ADGRV1: variants seen among roughly 807,000 people sequenced by gnomAD.
ADGRV1 encodes adhesion G protein-coupled receptor V1.
A neutral mutation model predicts 596.2 loss-of-function variants in ADGRV1; 359 were observed. The observed-to-expected ratio is 0.60, with a 90% CI of 0.55 to 0.66. ADGRV1 has a LOEUF of 0.66. Among genes scored for constraint, ADGRV1 ranks in the 30% least tolerant of loss-of-function variants. The pLI, the probability that ADGRV1 is intolerant of heterozygous loss-of-function variation, is 0.00. For missense variants in ADGRV1, 7,274 were observed against 7,575.6 expected (o/e 0.96, Z 1.48); for synonymous variants, 2,681 against 2,679.2 (o/e 1.00, Z -0.02).
chr5:90,826,333 T>A (rs897496906), intron 76 of ADGRV1, among the ~76,000 whole-genome samples: 2 of 152,218 alleles, frequency 1.3e-5, no homozygotes, highest in African/African-American at 4.8e-5. Context: ...AAGCACCATC[T>A]TCTTCATTTT....
chr5:90,986,105 A>G (rs1007865854), intron 85 of ADGRV1, among the ~76,000 whole-genome samples: 12 of 126,988 alleles, frequency 9.4e-5, no homozygotes, highest in Non-Finnish European at 1.7e-4. Flanking sequence ...ATATATATAT[A>G]TTATGCATAT....
At chr5:90,914,834 A>G (rs1252732976) in intron 83 of ADGRV1, among the ~76,000 whole-genome samples, 1 of 152,166 alleles carries the variant, frequency 6.6e-6, no homozygotes, top group Non-Finnish European at 1.5e-5. Context: ...TTGTTATAGG[A>G]CCACAATGGA....
At chr5:90,607,986 C>T (rs111920636) in intron 1 of ADGRV1, among the ~76,000 whole-genome samples, 3,081 of 151,940 alleles carry the variant, frequency 0.02, 94 homozygotes, top group African/African-American at 0.063. Context: ...TTCTAAGATA[C>T]TTTACAAAAT....
intron 73 of ADGRV1, among the ~76,000 whole-genome samples, chr5:90,809,192 G>A (rs541172516): frequency 1.3e-5 from 2 of 151,380 alleles, no homozygotes; most frequent in South Asian, 2.1e-4. Context: ...TCCTGACCTC[G>A]TGATCCGCCC....
At chr5:90,890,896 A>G (rs1211191444) in intron 83 of ADGRV1, among the ~76,000 whole-genome samples, 1 of 152,054 alleles carries the variant, frequency 6.6e-6, no homozygotes, top group Non-Finnish European at 1.5e-5. Context: ...GCATTCCCTG[A>G]TAAAGAGTAA....
rs1043243111 is a variant in ADGRV1, at chr5:90,906,858, G to A, written c.17856+43001G>A. The stretch of plus-strand genomic sequence containing the variant: ...TTTTTTTGCTTTCCATTGTTTTAAT[G>A]TAGGAAAAGGCAGAATTGCTAGACT... On this transcript the variant is annotated intron_variant, in intron 83 of 89. Coordinates refer to ENST00000405460, the MANE Select transcript of ADGRV1 (RefSeq NM_032119.4). Among the ~76,000 whole-genome samples, 14 of 152,174 alleles carry A rather than the reference G, an allele frequency of 9.2e-5. No individual in the cohort carries two copies. In the South Asian group the frequency reaches 1.0e-3, roughly 11 times the overall value.
chr5:90,637,996 T>C (rs1362617723), intron 11 of ADGRV1, 48 bp downstream of exon 11: 2 of 1,304,224 alleles, frequency 1.5e-6, no homozygotes, highest in Non-Finnish European at 2.1e-6. Context: ...GTTTGAGTTC[T>C]CTTCAATAAC....
At chr5:91,090,106 G>A (rs1790255794) in intron 86 of ADGRV1, among the ~76,000 whole-genome samples, 1 of 152,132 alleles carries the variant, frequency 6.6e-6, no homozygotes, top group South Asian at 2.1e-4. Flanking sequence ...TACGACAGCT[G>A]TAAACCCAAA....
chr5:90,693,613 T>C (rs1428966318), intron 32 of ADGRV1, among the ~76,000 whole-genome samples: 1 of 152,188 alleles, frequency 6.6e-6, no homozygotes, highest in Non-Finnish European at 1.5e-5. Context: ...AAATTAACTT[T>C]GTAATTTTGT....
At chr5:91,061,478 T>G (rs2151355464) in intron 85 of ADGRV1, among the ~76,000 whole-genome samples, 1 of 152,330 alleles carries the variant, frequency 6.6e-6, no homozygotes. Flanking sequence ...GCCAGGGATG[T>G]GGGCAATTCT....
At position 90,745,102 on chromosome 5, in the gene ADGRV1, C is replaced by A. The variant is rs747529712; in HGVS notation, c.10606C>A (p.Arg3536Ser). Residue 3536 changes from arginine to serine, a missense_variant, in exon 51 of 90, where the codon CGT becomes AGT. Physicochemically the swap from Arg to Ser is moderately radical, Grantham distance 110. Coordinates refer to ENST00000405460, the MANE Select transcript of ADGRV1 (RefSeq NM_032119.4). ...TGCTCTTTACTGCTGGAATTCGGAG[C>A]GTAATCAATTCTCTTTTGTTCTGGA... ...MSALYCWNSERNQFSFVLEVP... is the reference protein window; with the variant it reads ...MSALYCWNSESNQFSFVLEVP... The A allele has an allele frequency of 9.3e-6, 15 of 1,613,544 alleles. No individual in the cohort carries two copies. The highest frequency in any genetic ancestry group is 1.3e-5 in the Non-Finnish European group (15 of 1,179,766).
chr5:90,974,139 C>A lies in ADGRV1; in HGVS notation c.17973+8608C>A, dbSNP rs1244973394. Among the ~76,000 whole-genome samples the A allele has an allele frequency of 2.0e-5, 3 of 152,150 alleles. No individual in the cohort carries two copies. The East Asian group carries it at 5.8e-4, about 29-fold the overall frequency. ...ATAAAATACCTAGGAATCCAACTTA[C>A]AAGGGACGTGAAGGACCTCTTCAAG... On this transcript the variant is annotated intron_variant, in intron 84 of 89. Transcript: ENST00000405460.
chr5:91,157,811 T>C (rs1051305960), intron 89 of ADGRV1, among the ~76,000 whole-genome samples: 1 of 152,196 alleles, frequency 6.6e-6, no homozygotes, highest in African/African-American at 2.4e-5. Flanking sequence ...TGGGAATGTA[T>C]TCCCTTAAAG....
intron 83 of ADGRV1, among the ~76,000 whole-genome samples, chr5:90,896,256 G>A (rs1442804311): frequency 6.9e-6 from 1 of 145,704 alleles, no homozygotes; most frequent in African/African-American, 2.5e-5. Flanking sequence ...CTGATATTAC[G>A]GTGACCAGTG....
At position 91,121,275 on chromosome 5, in the gene ADGRV1, G is replaced by A. The variant is rs568502430; in HGVS notation, c.18432+18935G>A. ...TATAAGTAAGAAAAATAAATCAAAA[G>A]TAGAGGTGCTAAATCATGAGACCAT... On this transcript the variant is annotated intron_variant, in intron 87 of 89. Transcript: ENST00000405460. 5.9e-5 allele frequency among the ~76,000 whole-genome samples: 9 copies of A among 152,242 alleles called. No homozygotes were observed. In the East Asian group the frequency reaches 1.5e-3, roughly 26 times the overall value.
At chr5:90,861,623 A>T (rs1202123234) in intron 82 of ADGRV1, among the ~76,000 whole-genome samples, 2 of 152,106 alleles carry the variant, frequency 1.3e-5, no homozygotes, top group Non-Finnish European at 1.5e-5. Context: ...TTTATTTTTT[A>T]AAAAATCATT....
At chr5:90,713,644 G>A (rs1344805286) in intron 42 of ADGRV1, among the ~76,000 whole-genome samples, 1 of 151,962 alleles carries the variant, frequency 6.6e-6, no homozygotes, top group Non-Finnish European at 1.5e-5. Flanking sequence ...TTTGCCTTTT[G>A]GAATATTGGC....
At chr5:91,120,348 G>A (rs151019491) in intron 87 of ADGRV1, among the ~76,000 whole-genome samples, 3 of 152,268 alleles carry the variant, frequency 2.0e-5, no homozygotes, top group African/African-American at 4.8e-5. Context: ...GTGAATGGTG[G>A]CAAGTATTTA....
At position 90,619,091 on chromosome 5, in the gene ADGRV1, T is replaced by C; in HGVS notation, c.363T>C (p.Pro121=). 1 of 1,430,976 alleles carries C rather than the reference T, an allele frequency of 7.0e-7. No homozygotes were observed. The highest frequency in any genetic ancestry group is 9.3e-7 in the Non-Finnish European group (1 of 1,070,428). 88.6% of individuals were successfully genotyped at this position (1,430,976 alleles called of 1,614,324 possible). ...TTTTTGGGATTTTATTTTAGAAACCTTCAGCAAATGTGAAGCTTGGATGGC... is the reference window on the plus strand; with the variant it reads ...TTTTTGGGATTTTATTTTAGAAACCCTCAGCAAATGTGAAGCTTGGATGGC... ...TFIFHLTLQK[P]SANVKLGWPR... is the part of the protein sequence containing the mutation. The change falls in exon 4 of 90, where the codon CCT becomes CCC. Residue 121 remains proline (P), a synonymous_variant. Coordinates refer to ENST00000405460, the MANE Select transcript of ADGRV1 (RefSeq NM_032119.4).
Sources: gnomAD v4.1 joint callset for allele counts (sites outside exome capture counted in the v4.1 genomes callset) on GRCh38, gnomAD v4.1.1 for gene constraint, MANE v1.5 for transcripts, NCBI Gene and HGNC (gene_info 2026-07-23, HGNC 2026-07-21) for gene names.